Variants in LMBR1 observed in about 807,000 individuals in gnomAD.
The protein encoded by LMBR1 is limb region 1 protein homolog.
In LMBR1, 52 loss-of-function variants were observed where a neutral mutation model predicts 73.9. The observed-to-expected ratio is 0.70, with a 90% CI of 0.56 to 0.89. The LOEUF (loss-of-function observed/expected upper bound fraction) is 0.89, where lower values mean the gene tolerates loss of function less well. Ranked by LOEUF, LMBR1 falls within the 40% of genes least tolerant of loss-of-function variation. The probability of loss-of-function intolerance (pLI) is 0.00; values close to 1 mark genes in which losing one functional copy is unlikely to be tolerated. For synonymous variants in LMBR1, 215 were observed against 209.4 expected (o/e 1.03, Z -0.23); for missense variants, 539 against 579.8 (o/e 0.93, Z 0.72).
At chr7:156,700,399 G>C (rs963953125) in intron 15 of LMBR1, among the ~76,000 whole-genome samples, 1 of 71,946 alleles carries the variant, frequency 1.4e-5, no homozygotes, top group Non-Finnish European at 2.5e-5. Context: ...TTGTGGGGTG[G>C]GAGGAGGGGG....
rs117383509 is a variant in LMBR1, at chr7:156,760,880, G to C, written c.684+1254C>G. On this transcript the variant is annotated intron_variant, in intron 8 of 16. Coordinates refer to ENST00000353442, the MANE Select transcript of LMBR1 (RefSeq NM_022458.4). ...AGGAAGACAAACACATAACTATAAC[G>C]ATTTAATAAGTATTACTAGTGAGAC... 8.0e-4 allele frequency among the ~76,000 whole-genome samples: 121 copies of C among 152,186 alleles called. 2 individuals carry two copies. The highest frequency in any genetic ancestry group is 6.8e-3 in the Middle Eastern group (2 of 294).
intron 15 of LMBR1, among the ~76,000 whole-genome samples, chr7:156,693,289 A>G (rs1284289038): frequency 1.3e-5 from 2 of 152,154 alleles, no homozygotes; most frequent in African/African-American, 4.8e-5. Context: ...ACCCAAAGTT[A>G]GCAGAAGAAA....
chr7:156,728,144 A>C (rs1176400316), intron 11 of LMBR1, 137 bp from the exon 12 acceptor site: 1 of 602,684 alleles, frequency 1.7e-6, no homozygotes, highest in Non-Finnish European at 2.9e-6. Context: ...AAACTAAAGT[A>C]ATCAGACTAC....
intron 1 of LMBR1, among the ~76,000 whole-genome samples, chr7:156,879,911 A>G (rs916680577): frequency 4.6e-5 from 7 of 152,208 alleles, no homozygotes; most frequent in Non-Finnish European, 7.3e-5. Flanking sequence ...GGGAATGTAA[A>G]CTGGTACAAC....
intron 4 of LMBR1, among the ~76,000 whole-genome samples, chr7:156,805,077 G>A (rs1048887375): frequency 3.3e-5 from 5 of 151,316 alleles, no homozygotes; most frequent in Non-Finnish European, 7.4e-5. Flanking sequence ...AGCACCATTT[G>A]TTTAAAAAAA....
chr7:156,711,865 G>A (rs575448169), intron 15 of LMBR1, among the ~76,000 whole-genome samples: 4 of 152,258 alleles, frequency 2.6e-5, no homozygotes, highest in Non-Finnish European at 5.9e-5. Context: ...ATGGATTAAA[G>A]ACTGAAATGT....
chr7:156,811,118 T>A (rs1395182446), intron 4 of LMBR1, among the ~76,000 whole-genome samples: 1 of 152,082 alleles, frequency 6.6e-6, no homozygotes, highest in Non-Finnish European at 1.5e-5. Context: ...GCCCCACTTT[T>A]GAATAGTTTT....
rs1820981377 is a variant in LMBR1, at chr7:156,751,972, A to T, written c.757+4421T>A. On this transcript the variant is annotated intron_variant, in intron 9 of 16. Coordinates refer to ENST00000353442, the MANE Select transcript of LMBR1 (RefSeq NM_022458.4). ...TAAAGCCATGAAACCAGATGAACTAATAAGGGAGTAAAAGCAAATAGAGAA... is the reference window on the plus strand; with the variant it reads ...TAAAGCCATGAAACCAGATGAACTATTAAGGGAGTAAAAGCAAATAGAGAA... Among the ~76,000 whole-genome samples the T allele has an allele frequency of 1.3e-5, 2 of 152,238 alleles. 1 individual carries two copies. Among genetic ancestry groups the T allele is most frequent in the Admixed American group, 1.3e-4 (2 of 15,292 alleles).
chr7:156,750,715 T>C (rs1219679098), intron 9 of LMBR1, among the ~76,000 whole-genome samples: 3 of 152,178 alleles, frequency 2.0e-5, no homozygotes, highest in Non-Finnish European at 4.4e-5. Flanking sequence ...ATATCCACCA[T>C]GTGTCTAGCA....
At chr7:156,740,626 C>G (rs533992921) in intron 9 of LMBR1, among the ~76,000 whole-genome samples, 1 of 152,082 alleles carries the variant, frequency 6.6e-6, no homozygotes, top group Non-Finnish European at 1.5e-5. Flanking sequence ...ACACTTACAC[C>G]CTAGAATAGT....
intron 4 of LMBR1, among the ~76,000 whole-genome samples, chr7:156,818,480 GAATT>G (rs1834272249): frequency 6.6e-6 from 1 of 152,130 alleles, no homozygotes; most frequent in Non-Finnish European, 1.5e-5. Flanking sequence ...AAAAACTGAA[GAATT>G]ATTTCCTGGT....
At chr7:156,773,766 A>C (rs1825629771) in intron 5 of LMBR1, among the ~76,000 whole-genome samples, 1 of 152,166 alleles carries the variant, frequency 6.6e-6, no homozygotes, top group Non-Finnish European at 1.5e-5. Flanking sequence ...AAAACCTAGG[A>C]AATACCATTC....
At chr7:156,780,933 AAC>A (rs1436577490) in intron 5 of LMBR1, among the ~76,000 whole-genome samples, 1 of 152,210 alleles carries the variant, frequency 6.6e-6, no homozygotes, top group Non-Finnish European at 1.5e-5. Context: ...GCTTAAAAGA[AAC>A]AAGACAAACC....
At chr7:156,806,114 C>T (rs1202065998) in intron 4 of LMBR1, among the ~76,000 whole-genome samples, 2 of 151,726 alleles carry the variant, frequency 1.3e-5, no homozygotes, top group African/African-American at 2.4e-5. Context: ...AAAGTGTCTT[C>T]GAATCCATGA....
intron 14 of LMBR1, among the ~76,000 whole-genome samples, chr7:156,724,648 A>G (rs1023738115): frequency 3.3e-5 from 5 of 152,160 alleles, no homozygotes; most frequent in African/African-American, 1.2e-4. Context: ...GTAATAATGC[A>G]TCCCATGTTT....
chr7:156,779,814 A>T, intron 5 of LMBR1: 3 of 496,310 alleles, frequency 6.0e-6, no homozygotes, highest in South Asian at 5.4e-5. Context: ...TTCACAGAAC[A>T]TTTAAAATAA....
intron 9 of LMBR1, among the ~76,000 whole-genome samples, chr7:156,753,699 A>G (rs1238619102): frequency 2.0e-5 from 3 of 152,136 alleles, no homozygotes; most frequent in Non-Finnish European, 2.9e-5. Flanking sequence ...CAATGTACCC[A>G]TTAGTCCTGA....
Position 156,688,011 on chromosome 7 carries a change from C to A in LMBR1, c.1387+19G>T. 1 of 1,543,356 alleles carries A rather than the reference C, an allele frequency of 6.5e-7. No individual in the cohort carries two copies. Among genetic ancestry groups the A allele is most frequent in the Non-Finnish European group, 8.7e-7 (1 of 1,150,454 alleles). On this transcript the variant is annotated intron_variant, in intron 16 of 16. Coordinates refer to ENST00000353442, the MANE Select transcript of LMBR1 (RefSeq NM_022458.4). ...ATTTAGTAGAAAGAGGAAAAAATAC[C>A]CATAAACCTCAGGATTACCTAGGGC...
intron 15 of LMBR1, among the ~76,000 whole-genome samples, chr7:156,715,199 G>A (rs555636071): frequency 4.6e-5 from 7 of 152,192 alleles, no homozygotes; most frequent in African/African-American, 1.2e-4. Context: ...TGACCTGCCC[G>A]CTTCGGCCTC....
Sources: gnomAD v4.1 joint callset for allele counts (sites outside exome capture counted in the v4.1 genomes callset) on GRCh38, gnomAD v4.1.1 for gene constraint, MANE v1.5 for transcripts, NCBI Gene and HGNC (gene_info 2026-07-23, HGNC 2026-07-21) for gene names.